PDZRN4: variants seen among roughly 807,000 people sequenced by gnomAD.
PDZRN4 encodes the protein PDZ domain containing ring finger 4.
Under a neutral mutation model 99.0 loss-of-function variants are expected in PDZRN4, and 70 were observed. The observed-to-expected ratio is 0.71, with a 90% CI of 0.58 to 0.86. The LOEUF is 0.86. PDZRN4 is among the 40% of genes least tolerant of loss of function. The probability of loss-of-function intolerance (pLI) is 0.00; values close to 1 mark genes in which losing one functional copy is unlikely to be tolerated. For missense variants in PDZRN4, 1,474 were observed against 1,331.2 expected, an observed-to-expected ratio of 1.11 and a Z score of -1.67; for synonymous variants, 551 against 501.6, an observed-to-expected ratio of 1.10 and a Z score of -1.32.
intron 3 of PDZRN4, among the ~76,000 whole-genome samples, chr12:41,241,455 C>T (rs1243173649): frequency 5.9e-5 from 9 of 152,160 alleles, no homozygotes; most frequent in African/African-American, 1.7e-4. Context: ...AGCGAAAGAG[C>T]GTGGGCTTTT....
chr12:41,300,609 G>C (rs564601042), intron 3 of PDZRN4, among the ~76,000 whole-genome samples: 9 of 151,778 alleles, frequency 5.9e-5, no homozygotes, highest in African/African-American at 1.7e-4. Flanking sequence ...CTCTAATAAA[G>C]ATACTCATTC....
chr12:41,526,493 T>A (rs886788507), intron 5 of PDZRN4, among the ~76,000 whole-genome samples: 1 of 152,226 alleles, frequency 6.6e-6, no homozygotes, highest in Non-Finnish European at 1.5e-5. Flanking sequence ...AGAGTTGCCT[T>A]GCTTATTTTA....
At chr12:41,563,791 C>A in intron 8 of PDZRN4, 142 bp downstream of exon 8, 1 of 617,806 alleles carries the variant, frequency 1.6e-6, no homozygotes, top group Non-Finnish European at 2.8e-6. Flanking sequence ...ATATAACCCA[C>A]CAGATGGCCT....
intron 3 of PDZRN4, among the ~76,000 whole-genome samples, chr12:41,281,063 C>G (rs988388455): frequency 6.6e-6 from 1 of 152,002 alleles, no homozygotes; most frequent in Non-Finnish European, 1.5e-5. Flanking sequence ...TGGTGATACC[C>G]AGGTAAACAG....
chr12:41,296,927 C>T (rs1943527900), intron 3 of PDZRN4, among the ~76,000 whole-genome samples: 1 of 152,190 alleles, frequency 6.6e-6, no homozygotes. Flanking sequence ...CACTGCACTC[C>T]AGCCTGGGCA....
intron 3 of PDZRN4, among the ~76,000 whole-genome samples, chr12:41,384,088 C>T (rs994424752): frequency 7.2e-6 from 1 of 138,142 alleles, no homozygotes; most frequent in South Asian, 2.4e-4. Flanking sequence ...CTGCAACCTT[C>T]GCCTCCCGGG....
Position 41,573,609 on chromosome 12 carries a change from G to C in PDZRN4, c.2830G>C (p.Glu944Gln). The stretch of plus-strand genomic sequence containing the variant: ...GAAAATGGGGCGCTACTGGAGCAAA[G>C]AGGAGAGAAAGCAGCACCTGGTTAG... ...EMKMGRYWSKEERKQHLVRAK... is the reference protein window; with the variant it reads ...EMKMGRYWSKQERKQHLVRAK... The change falls in exon 10 of 10, where the codon GAG (glutamate) becomes CAG (glutamine). Residue 944 changes from glutamate (E) to glutamine (Q), a missense_variant. Physicochemically the swap from Glu to Gln is conservative, Grantham distance 29. Transcript: ENST00000402685. 5.6e-6 allele frequency: 9 copies of C among 1,614,092 alleles called. No individual in the cohort carries two copies. The highest frequency in any genetic ancestry group is 7.6e-6 in the Non-Finnish European group (9 of 1,180,002).
chr12:41,538,786 A>G (rs1938795198), intron 5 of PDZRN4, among the ~76,000 whole-genome samples: 1 of 152,112 alleles, frequency 6.6e-6, no homozygotes, highest in African/African-American at 2.4e-5. Context: ...AAAATGACAC[A>G]AATTGTCATC....
chr12:41,384,042 G>A (rs192349158), intron 3 of PDZRN4, among the ~76,000 whole-genome samples: 8 of 130,350 alleles, frequency 6.1e-5, no homozygotes, highest in African/African-American at 9.2e-5. Flanking sequence ...TCTGTCTGTC[G>A]CCCAGGCTGG....
At chr12:41,331,446 A>T (rs747034965) in intron 3 of PDZRN4, among the ~76,000 whole-genome samples, 2 of 152,122 alleles carry the variant, frequency 1.3e-5, no homozygotes, top group Admixed American at 6.6e-5. Flanking sequence ...AGAGCTTGAA[A>T]GAGAAGCTGA....
intron 3 of PDZRN4, among the ~76,000 whole-genome samples, chr12:41,496,149 G>A (rs1480240765): frequency 6.6e-6 from 1 of 152,092 alleles, no homozygotes; most frequent in Non-Finnish European, 1.5e-5. Flanking sequence ...TCTTGGATGT[G>A]ATTGAGATAA....
At chr12:41,496,403 G>A (rs1938004793) in intron 3 of PDZRN4, among the ~76,000 whole-genome samples, 1 of 152,082 alleles carries the variant, frequency 6.6e-6, no homozygotes, top group Admixed American at 6.6e-5. Flanking sequence ...GCAACTCTGA[G>A]TGGATATTAT....
intron 3 of PDZRN4, among the ~76,000 whole-genome samples, chr12:41,324,049 T>C (rs192972146): frequency 6.6e-6 from 1 of 152,198 alleles, no homozygotes; most frequent in African/African-American, 2.4e-5. Context: ...AAAACCCCAC[T>C]TGCAGTAATA....
intron 5 of PDZRN4, among the ~76,000 whole-genome samples, chr12:41,516,470 T>C (rs1372110683): frequency 6.6e-6 from 1 of 152,118 alleles, no homozygotes; most frequent in Non-Finnish European, 1.5e-5. Flanking sequence ...AATAACAATT[T>C]GAAATAAAGT....
intron 3 of PDZRN4, among the ~76,000 whole-genome samples, chr12:41,447,811 C>T: frequency 6.6e-6 from 1 of 152,118 alleles, no homozygotes; most frequent in African/African-American, 2.4e-5. Context: ...CCAAATGTCC[C>T]ATTTCATATT....
At chr12:41,376,221 TG>T (rs1952078571) in intron 3 of PDZRN4, among the ~76,000 whole-genome samples, 1 of 152,170 alleles carries the variant, frequency 6.6e-6, no homozygotes, top group Non-Finnish European at 1.5e-5. Context: ...ATACTGATTT[TG>T]TTTCCTTCAG....
chr12:41,442,780 G>T (rs1156616189), intron 3 of PDZRN4, among the ~76,000 whole-genome samples: 1 of 151,984 alleles, frequency 6.6e-6, no homozygotes, highest in African/African-American at 2.4e-5. Context: ...GAGCTTGGGG[G>T]TTTGTGTTCC....
intron 5 of PDZRN4, among the ~76,000 whole-genome samples, chr12:41,545,299 A>C (rs1938926436): frequency 2.6e-5 from 4 of 152,102 alleles, no homozygotes; most frequent in Admixed American, 2.6e-4. Flanking sequence ...AACTACGTAA[A>C]GTTCCTCTAA....
intron 3 of PDZRN4, among the ~76,000 whole-genome samples, chr12:41,235,379 C>G (rs961346531): frequency 1.3e-5 from 2 of 152,004 alleles, no homozygotes; most frequent in Non-Finnish European, 2.9e-5. Flanking sequence ...TAAAGTTTAG[C>G]TTTTCAATAT....
Sources: gnomAD v4.1 joint callset for allele counts (sites outside exome capture counted in the v4.1 genomes callset) on GRCh38, gnomAD v4.1.1 for gene constraint, MANE v1.5 for transcripts, NCBI Gene and HGNC (gene_info 2026-07-23, HGNC 2026-07-21) for gene names.